Variants in CSMD1 observed in about 807,000 individuals in gnomAD.
CSMD1 encodes the protein CUB and sushi domain-containing protein 1.
CSMD1 carries 213 observed loss-of-function variants against 417.5 expected under a neutral mutation model. The observed-to-expected ratio is 0.51, with a 90% CI of 0.46 to 0.57. CSMD1 has a LOEUF of 0.57. CSMD1 is among the 20% of genes least tolerant of loss of function. CSMD1 has a pLI of 0.00. For missense variants in CSMD1, 6,923 were observed against 4,529.7 expected (o/e 1.53, Z -15.17); for synonymous variants, 2,862 against 1,736.8 (o/e 1.65, Z -16.11).
At chr8:4,562,418 C>A (rs1372617473) in intron 2 of CSMD1, among the ~76,000 whole-genome samples, 5 of 152,104 alleles carry the variant, frequency 3.3e-5, no homozygotes, top group Admixed American at 6.6e-5. Flanking sequence ...TATTTTAATT[C>A]TTTAATCAGA....
At chr8:4,268,376 T>TA (rs1804356161) in intron 3 of CSMD1, among the ~76,000 whole-genome samples, 1 of 152,168 alleles carries the variant, frequency 6.6e-6, no homozygotes, top group Non-Finnish European at 1.5e-5. Flanking sequence ...TCAATACACT[T>TA]AGTTAATTCT....
At chr8:3,531,728 C>A (rs1383362948) in intron 10 of CSMD1, among the ~76,000 whole-genome samples, 2 of 152,164 alleles carry the variant, frequency 1.3e-5, no homozygotes, top group Non-Finnish European at 2.9e-5. Context: ...AAAAAAACCC[C>A]AAGAAATCAC....
At chr8:3,755,348 C>A (rs1797598174) in intron 5 of CSMD1, among the ~76,000 whole-genome samples, 1 of 152,184 alleles carries the variant, frequency 6.6e-6, no homozygotes, top group Non-Finnish European at 1.5e-5. Flanking sequence ...GATAGAGATG[C>A]ACATGTAAAT....
At chr8:3,711,818 A>G (rs532691390) in intron 6 of CSMD1, among the ~76,000 whole-genome samples, 54 of 152,310 alleles carry the variant, frequency 3.5e-4, no homozygotes, top group South Asian at 3.5e-3. Context: ...AATGCACAAT[A>G]AATAACAAAT....
intron 1 of CSMD1, among the ~76,000 whole-genome samples, chr8:4,992,232 C>A (rs1211285080): frequency 6.6e-6 from 1 of 151,874 alleles, no homozygotes; most frequent in East Asian, 1.9e-4. Context: ...CTCCCTCCCG[C>A]CTCCGCCTCA....
At chr8:3,918,815 G>C (rs1038462662) in intron 5 of CSMD1, among the ~76,000 whole-genome samples, 3 of 152,056 alleles carry the variant, frequency 2.0e-5, no homozygotes, top group Non-Finnish European at 4.4e-5. Context: ...TCATAAATGG[G>C]AGCCAAACTA....
intron 50 of CSMD1, among the ~76,000 whole-genome samples, chr8:3,042,607 T>C (rs1180571609): frequency 6.6e-6 from 1 of 152,082 alleles, no homozygotes; most frequent in Non-Finnish European, 1.5e-5. Context: ...AAAAGGACCA[T>C]CTTCAGTGCT....
At chr8:3,995,391 G>A (rs1459057645) in intron 5 of CSMD1, among the ~76,000 whole-genome samples, 1 of 151,726 alleles carries the variant, frequency 6.6e-6, no homozygotes, top group Non-Finnish European at 1.5e-5. Context: ...AAAACACTCT[G>A]TTGACCCACG....
intron 33 of CSMD1, among the ~76,000 whole-genome samples, chr8:3,192,803 G>C (rs1032975413): frequency 7.9e-5 from 12 of 152,142 alleles, no homozygotes; most frequent in Non-Finnish European, 1.5e-4. Flanking sequence ...TCAAAACAAA[G>C]CAGATTTGGA....
At chr8:4,476,062 G>C (rs1366745661) in intron 2 of CSMD1, among the ~76,000 whole-genome samples, 1 of 151,880 alleles carries the variant, frequency 6.6e-6, no homozygotes, top group East Asian at 1.9e-4. Flanking sequence ...TTAAGACAGT[G>C]TGATTTTTTC....
At chr8:2,947,333 G>C (rs549206325) in intron 68 of CSMD1, among the ~76,000 whole-genome samples, 1 of 152,130 alleles carries the variant, frequency 6.6e-6, no homozygotes, top group African/African-American at 2.4e-5. Context: ...AGAAAATTAG[G>C]AGGTTATTTT....
chr8:3,742,642 T>C (rs1343532905), intron 6 of CSMD1, among the ~76,000 whole-genome samples: 2 of 152,082 alleles, frequency 1.3e-5, no homozygotes, highest in African/African-American at 4.8e-5. Context: ...CTGCTCGTCC[T>C]GAAGGACGTC....
At chr8:4,156,690 C>T (rs1379314519) in intron 3 of CSMD1, among the ~76,000 whole-genome samples, 1 of 152,060 alleles carries the variant, frequency 6.6e-6, no homozygotes, top group African/African-American at 2.4e-5. Context: ...TCTGTACTGT[C>T]AGGGGCCCAA....
chr8:3,899,398 G>T (rs1807578668), intron 5 of CSMD1, among the ~76,000 whole-genome samples: 1 of 152,292 alleles, frequency 6.6e-6, no homozygotes, highest in South Asian at 2.1e-4. Context: ...ACCCATATGG[G>T]TATGCTGATT....
Position 4,844,039 on chromosome 8 carries a change from AC to A in CSMD1, c.85+150292del, listed in dbSNP as rs1214571341. 2.0e-5 allele frequency among the ~76,000 whole-genome samples: 3 copies of A among 152,234 alleles called. No homozygotes were observed. The East Asian group carries it at 5.8e-4, about 29-fold the overall frequency. On this transcript the variant is annotated intron_variant, in intron 1 of 69. Transcript: ENST00000635120. ...TGCTCTCAGCCTGTAGACTACGGTC[AC>A]TGCATGCATGTTAAATGCCTCAGCT... is the stretch of plus-strand genomic sequence containing the variant.
chr8:3,979,654 G>A (rs144214633), intron 5 of CSMD1, among the ~76,000 whole-genome samples: 1 of 152,298 alleles, frequency 6.6e-6, no homozygotes, highest in East Asian at 1.9e-4. Context: ...CCCGCCTTGT[G>A]AAGACGCTGA....
intron 2 of CSMD1, among the ~76,000 whole-genome samples, chr8:4,491,715 C>T (rs1019474679): frequency 6.6e-6 from 1 of 152,228 alleles, no homozygotes; most frequent in Admixed American, 6.5e-5. Flanking sequence ...AGAATGGCAA[C>T]ACAACCAAAT....
At chr8:4,172,584 G>A (rs994517208) in intron 3 of CSMD1, among the ~76,000 whole-genome samples, 2 of 152,016 alleles carry the variant, frequency 1.3e-5, no homozygotes, top group Non-Finnish European at 2.9e-5. Flanking sequence ...CTGTATATAT[G>A]GTAAGGAACA....
chr8:4,168,095 C>A (rs1584947207), intron 3 of CSMD1, among the ~76,000 whole-genome samples: 1 of 151,510 alleles, frequency 6.6e-6, no homozygotes, highest in African/African-American at 2.4e-5. Flanking sequence ...CACCACTGCT[C>A]TCCAGCTTGG....
Sources: allele counts gnomAD v4.1 joint callset (sites outside exome capture counted in the v4.1 genomes callset), GRCh38; gene constraint gnomAD v4.1.1; transcripts MANE v1.5; gene names NCBI Gene and HGNC (gene_info 2026-07-23, HGNC 2026-07-21).